The following TNKS2 variants were observed in gnomAD, a reference collection of about 807,000 sequenced individuals.
TNKS2 encodes poly [ADP-ribose] polymerase tankyrase-2.
Under a neutral mutation model 137.6 loss-of-function variants are expected in TNKS2, and 72 were observed. That is an observed-to-expected ratio of 0.52 (90% CI 0.43 to 0.64). The LOEUF (loss-of-function observed/expected upper bound fraction) is 0.64. Among genes scored for constraint, TNKS2 ranks in the 30% least tolerant of loss-of-function variants. The pLI, the probability that TNKS2 is intolerant of heterozygous loss-of-function variation, is 0.00. For missense variants in TNKS2, 1,049 were observed against 1,410.2 expected (o/e 0.74, Z 4.10); for synonymous variants, 516 against 512.1 (o/e 1.01, Z -0.10).
intron 25 of TNKS2, 150 bp downstream of exon 25, chr10:91,859,798 T>C (rs1842805953): frequency 1.8e-6 from 1 of 567,142 alleles, no homozygotes; most frequent in Admixed American, 3.5e-5. Context: ...ATTGTAATAA[T>C]AGCTAATATT....
chr10:91,800,191 ATACTT>A (rs1346145455), intron 1 of TNKS2, among the ~76,000 whole-genome samples: 2 of 152,222 alleles, frequency 1.3e-5, no homozygotes, highest in African/African-American at 4.8e-5. Flanking sequence ...AGAAGGAAGA[ATACTT>A]AAGTCAAACA....
chr10:91,831,881 CT>C (rs967772361), intron 11 of TNKS2, among the ~76,000 whole-genome samples: 36 of 152,258 alleles, frequency 2.4e-4, no homozygotes, highest in African/African-American at 8.2e-4. Context: ...CAAACAAAAT[CT>C]TTAGTTGAAA....
intron 7 of TNKS2, among the ~76,000 whole-genome samples, chr10:91,823,503 T>C (rs1227699481): frequency 6.6e-6 from 1 of 151,920 alleles, no homozygotes; most frequent in African/African-American, 2.4e-5. Flanking sequence ...AATTTTCTAT[T>C]TTTAGTAGAT....
chr10:91,864,651 T>G lies in TNKS2; in HGVS notation c.*1652T>G, dbSNP rs1025736840. 25 of 152,608 alleles carry G rather than the reference T, an allele frequency of 1.6e-4. No individual in the cohort carries two copies. The highest frequency in any genetic ancestry group is 6.0e-4 in the African/African-American group (25 of 41,452). 9.5% of individuals were successfully genotyped at this position (152,608 alleles called of 1,614,324 possible). Reference sequence around the variant, plus strand: ...TTTCTGTGATGTAAATTATGATCATTATTTAAGAAGTCAAATCCTGATCTT... The same window carrying G: ...TTTCTGTGATGTAAATTATGATCATGATTTAAGAAGTCAAATCCTGATCTT... On this transcript the variant is annotated 3_prime_UTR_variant, in exon 27 of 27. Transcript: ENST00000371627.
Position 91,798,774 on chromosome 10 carries a change from G to A in TNKS2, c.84G>A (p.Leu28=), listed in dbSNP as rs574507156. ...CCGTGGAGCCGGCCGCCCGAGAGCT[G>A]TTCGAGGCGTGCCGCAACGGGGACG... ...AEAVEPAARE[L]FEACRNGDVE... The change falls in exon 1 of 27, where the codon CTG becomes CTA. Residue 28 remains leucine, a synonymous_variant. Coordinates refer to ENST00000371627, the MANE Select transcript of TNKS2 (RefSeq NM_025235.4). 1 of 1,282,806 alleles carries A rather than the reference G, an allele frequency of 7.8e-7. No homozygotes were observed. Among genetic ancestry groups the A allele is most frequent in the Non-Finnish European group, 9.9e-7 (1 of 1,006,656 alleles). The allele number at this position is 1,282,806 out of a possible 1,614,324, so 79.5% of individuals were successfully genotyped here.
intron 13 of TNKS2, among the ~76,000 whole-genome samples, chr10:91,837,816 A>G (rs1842076145): frequency 6.6e-6 from 1 of 152,172 alleles, no homozygotes; most frequent in Non-Finnish European, 1.5e-5. Context: ...TTCATTTCTC[A>G]CAGAAAAATG....
Position 91,862,172 on chromosome 10 carries a change from T to G in TNKS2, c.3438+17T>G, listed in dbSNP as rs1842869418. The G allele has an allele frequency of 6.4e-7, 1 of 1,555,970 alleles. No individual in the cohort carries two copies. The highest frequency in any genetic ancestry group is 1.4e-5 in the African/African-American group (1 of 72,254). Reference sequence around the variant, plus strand: ...GGAGAACAGGTAATGTAGTTTTATTTGTTCATCTTCAAAAATGCTAGGGAG... The same window carrying G: ...GGAGAACAGGTAATGTAGTTTTATTGGTTCATCTTCAAAAATGCTAGGGAG... On this transcript the variant is annotated intron_variant, in intron 26 of 26. Coordinates refer to ENST00000371627, the MANE Select transcript of TNKS2 (RefSeq NM_025235.4).
At chr10:91,859,697 C>A in intron 25 of TNKS2, 49 bp downstream of exon 25, 1 of 1,513,872 alleles carries the variant, frequency 6.6e-7, no homozygotes, top group Non-Finnish European at 9.0e-7. Context: ...CAGATAAGAA[C>A]TAGTTGCATT....
At chr10:91,862,655 T>C (rs958545249) in intron 26 of TNKS2, among the ~76,000 whole-genome samples, 1 of 152,170 alleles carries the variant, frequency 6.6e-6, no homozygotes, top group Non-Finnish European at 1.5e-5. Flanking sequence ...AGCAGTGTTG[T>C]GAACTGGGAG....
intron 11 of TNKS2, among the ~76,000 whole-genome samples, chr10:91,831,537 C>T (rs1380298278): frequency 1.3e-5 from 2 of 152,072 alleles, no homozygotes; most frequent in East Asian, 1.9e-4. Context: ...CTGTTATTTA[C>T]CCCAACCACC....
rs993041876 is a variant in TNKS2, at chr10:91,798,683, C to T, written c.-8C>T. ...GCGCTGTTGCTGGCTGTGGCGGCGGCCAGGATCATGTCGGGTCGCCGCTGC... is the reference window on the plus strand; with the variant it reads ...GCGCTGTTGCTGGCTGTGGCGGCGGTCAGGATCATGTCGGGTCGCCGCTGC... On this transcript the variant is annotated 5_prime_UTR_variant, in exon 1 of 27. Transcript: ENST00000371627. 3.3e-6 allele frequency: 4 copies of T among 1,227,200 alleles called. No homozygotes were observed. In the African/African-American group the frequency reaches 6.3e-5, roughly 19 times the overall value. 76.0% of individuals were successfully genotyped at this position (1,227,200 alleles called of 1,614,324 possible). A position where few individuals can be genotyped will look rare whatever the true frequency, so the allele number is the denominator to read the frequency against.
Position 91,845,772 on chromosome 10 carries a change from A to T in TNKS2, c.2190A>T (p.Leu730=), listed in dbSNP as rs746423010. Residue 730 remains leucine (L), a synonymous_variant, in exon 18 of 27, where the codon CTA becomes CTT. Coordinates refer to ENST00000371627, the MANE Select transcript of TNKS2 (RefSeq NM_025235.4). ...TACAGCATGTAGATGTAGCAGCTCTACTAATAAAGTATAATGCATGTGTCA... is the reference window on the plus strand; with the variant it reads ...TACAGCATGTAGATGTAGCAGCTCTTCTAATAAAGTATAATGCATGTGTCA... ...ASYGHVDVAA[L]LIKYNACVNA... 6.4e-7 allele frequency: 1 copy of T among 1,555,600 alleles called. No homozygotes were observed. Among genetic ancestry groups the T allele is most frequent in the South Asian group, 1.2e-5 (1 of 83,634 alleles).
At chr10:91,822,112 G>T (rs377585742) in intron 6 of TNKS2, among the ~76,000 whole-genome samples, 184 bp from the exon 7 acceptor site, 9 of 152,148 alleles carry the variant, frequency 5.9e-5, no homozygotes, top group Non-Finnish European at 2.9e-5. Context: ...AGAGACTTGG[G>T]AGTTCAAATT....
chr10:91,816,013 A>T (rs1156927477), intron 2 of TNKS2, among the ~76,000 whole-genome samples: 1 of 134,006 alleles, frequency 7.5e-6, no homozygotes, highest in African/African-American at 2.9e-5. Context: ...CAGTGGCGTG[A>T]TCTCCGCTCA....
At chr10:91,805,537 T>G (rs1030322738) in intron 1 of TNKS2, among the ~76,000 whole-genome samples, 2 of 152,210 alleles carry the variant, frequency 1.3e-5, no homozygotes, top group African/African-American at 4.8e-5. Flanking sequence ...TACTTGACCT[T>G]CCTTTAGATC....
At chr10:91,832,947 C>A (rs184352836) in intron 11 of TNKS2, among the ~76,000 whole-genome samples, 2 of 152,150 alleles carry the variant, frequency 1.3e-5, no homozygotes, top group East Asian at 3.9e-4. Flanking sequence ...CTCCATCCAC[C>A]AATATATCTT....
intron 16 of TNKS2, among the ~76,000 whole-genome samples, chr10:91,844,055 TTTGA>T (rs1842291822): frequency 6.6e-6 from 1 of 152,220 alleles, no homozygotes; most frequent in Non-Finnish European, 1.5e-5. Context: ...TGACTTGACC[TTTGA>T]TTGGAAGTTG....
intron 25 of TNKS2, 70 bp from the exon 26 acceptor site, chr10:91,861,929 G>A (rs370969565): frequency 1.3e-5 from 18 of 1,364,806 alleles, no homozygotes; most frequent in East Asian, 7.6e-5. Context: ...AACTTATGCC[G>A]TGTCCACACA....
At chr10:91,834,606 A>G (rs559191316) in intron 12 of TNKS2, among the ~76,000 whole-genome samples, 1 of 152,360 alleles carries the variant, frequency 6.6e-6, no homozygotes, top group South Asian at 2.1e-4. Flanking sequence ...AATGTAATAG[A>G]TTAAGCTTTT....
Sources: allele counts gnomAD v4.1 joint callset (sites outside exome capture counted in the v4.1 genomes callset), GRCh38; gene constraint gnomAD v4.1.1; transcripts MANE v1.5; gene names NCBI Gene and HGNC (gene_info 2026-07-23, HGNC 2026-07-21).